The following PLEKHA7 variants were observed in gnomAD, a reference collection of about 807,000 sequenced individuals.
PLEKHA7 encodes pleckstrin homology domain containing A7.
PLEKHA7 carries 104 observed loss-of-function variants against 170.0 expected under a neutral mutation model. That is an observed-to-expected ratio of 0.61 (90% CI 0.52 to 0.72). PLEKHA7 has a LOEUF of 0.72. Among genes scored for constraint, PLEKHA7 ranks in the 30% least tolerant of loss-of-function variants. The probability of loss-of-function intolerance (pLI) is 0.00; values close to 1 mark genes in which losing one functional copy is unlikely to be tolerated. For synonymous variants in PLEKHA7, 648 were observed against 660.8 expected, an observed-to-expected ratio of 0.98 and a Z score of 0.30; for missense variants, 1,615 against 1,671.7, an observed-to-expected ratio of 0.97 and a Z score of 0.59.
Position 16,871,109 on chromosome 11 carries a change from G to A in PLEKHA7, c.295C>T (p.Leu99Phe). 2 of 1,596,188 alleles carry A rather than the reference G, an allele frequency of 1.3e-6. No individual in the cohort carries two copies. Among genetic ancestry groups the A allele is most frequent in the Non-Finnish European group, 1.7e-6 (2 of 1,164,032 alleles). The change falls in exon 4 of 27, where the codon CTT becomes TTT. Residue 99 changes from leucine (L) to phenylalanine (F), a missense_variant. Physicochemically the swap from Leu to Phe is conservative, Grantham distance 22 (BLOSUM62 0). Transcript: ENST00000531066. ...QFSPENSEFILQEEPNPHMSK... is the reference protein window; with the variant it reads ...QFSPENSEFIFQEEPNPHMSK... ...CATAAAAAGACTTACTCTTCTTGAA[G>A]AATGAATTCACTATTTTCTGGAGAA...
chr11:16,848,258 G>A (rs975912138), intron 8 of PLEKHA7, among the ~76,000 whole-genome samples: 20 of 152,214 alleles, frequency 1.3e-4, no homozygotes, highest in African/African-American at 4.8e-4. Flanking sequence ...CAAGGATTTT[G>A]TCCTATTCAT....
chr11:16,809,331 A>T (rs77763276), intron 13 of PLEKHA7, among the ~76,000 whole-genome samples: 1,713 of 152,252 alleles, frequency 0.011, 29 homozygotes, highest in African/African-American at 0.039. Flanking sequence ...TGGGCTCTGG[A>T]TCCTTAAGTC....
At chr11:16,963,649 A>G (rs1862200519) in intron 3 of PLEKHA7, among the ~76,000 whole-genome samples, 2 of 152,018 alleles carry the variant, frequency 1.3e-5, no homozygotes, top group South Asian at 4.1e-4. Flanking sequence ...TCCCCTGGGG[A>G]GCCAGGAGAG....
intron 13 of PLEKHA7, among the ~76,000 whole-genome samples, chr11:16,805,568 A>G (rs1300756889): frequency 4.6e-5 from 7 of 151,818 alleles, no homozygotes; most frequent in Non-Finnish European, 8.8e-5. Flanking sequence ...AAGGCGGGTG[A>G]ATTATGAGGT....
Position 16,906,682 on chromosome 11 carries a change from C to T in PLEKHA7, c.222-35500G>A, listed in dbSNP as rs539530308. On this transcript the variant is annotated intron_variant, in intron 3 of 26. Coordinates refer to ENST00000531066, the MANE Select transcript of PLEKHA7 (RefSeq NM_001329630.2). ...CGTGATCTCGGCTCGCTACAACCTC[C>T]ACCTCCCAGCTGCCTGCCTTGGCCC... Among the ~76,000 whole-genome samples the T allele has an allele frequency of 1.8e-4, 25 of 139,824 alleles. No homozygotes were observed. In the East Asian group the frequency reaches 5.0e-3, roughly 28 times the overall value. 91.7% of individuals were successfully genotyped at this position (139,824 alleles called of 152,430 possible). A position where few individuals can be genotyped will look rare whatever the true frequency, so the allele number is the denominator to read the frequency against.
intron 4 of PLEKHA7, among the ~76,000 whole-genome samples, chr11:16,863,585 G>T (rs1209327280): frequency 6.6e-6 from 1 of 152,180 alleles, no homozygotes; most frequent in African/African-American, 2.4e-5. Flanking sequence ...GGGGATCGGT[G>T]TACACAGCCT....
chr11:16,778,852 G>A lies in PLEKHA7; in HGVS notation c.*146C>T. ...TGCATATTAGGGCCTGGCCTGTGGT[G>A]AACACCCGCAGTCGGTAAGCTGCTC... On this transcript the variant is annotated 3_prime_UTR_variant, in exon 27 of 27. Transcript: ENST00000531066. 1.5e-6 allele frequency: 1 copy of A among 673,446 alleles called. No homozygotes were observed. Among genetic ancestry groups the A allele is most frequent in the East Asian group, 2.7e-5 (1 of 37,010 alleles). 41.7% of individuals were successfully genotyped at this position (673,446 alleles called of 1,614,324 possible).
intron 3 of PLEKHA7, among the ~76,000 whole-genome samples, chr11:16,981,392 A>C (rs1014693350): frequency 6.6e-6 from 1 of 152,196 alleles, no homozygotes; most frequent in Admixed American, 6.5e-5. Flanking sequence ...ATTCCAACCC[A>C]GTTGGCCTGA....
At chr11:16,779,404 G>C (rs1246798043) in intron 26 of PLEKHA7, among the ~76,000 whole-genome samples, 1 of 152,198 alleles carries the variant, frequency 6.6e-6, no homozygotes, top group Non-Finnish European at 1.5e-5. Flanking sequence ...AGGATGCTTT[G>C]AGAGTAAGAA....
At chr11:16,951,420 C>T in intron 3 of PLEKHA7, among the ~76,000 whole-genome samples, 1 of 152,172 alleles carries the variant, frequency 6.6e-6, no homozygotes. Context: ...AAGCACTTAC[C>T]ACGAACTGGG....
chr11:16,825,574 G>C (rs1420190672), intron 10 of PLEKHA7, among the ~76,000 whole-genome samples: 1 of 152,200 alleles, frequency 6.6e-6, no homozygotes, highest in African/African-American at 2.4e-5. Context: ...ATAAAATACA[G>C]ACAGTGCTTG....
At chr11:16,937,552 TTTAAC>T (rs1330196254) in intron 3 of PLEKHA7, among the ~76,000 whole-genome samples, 2 of 151,926 alleles carry the variant, frequency 1.3e-5, no homozygotes, top group African/African-American at 4.8e-5. Context: ...TTATAAGAAA[TTTAAC>T]TTAAAGAAAC....
Position 16,972,028 on chromosome 11 carries a change from T to C in PLEKHA7, c.221+41961A>G, listed in dbSNP as rs138775151. Among the ~76,000 whole-genome samples, 535 of 152,252 alleles carry C rather than the reference T, an allele frequency of 3.5e-3. 8 individuals are homozygous for C. The highest frequency in any genetic ancestry group is 0.012 in the African/African-American group (516 of 41,540). On this transcript the variant is annotated intron_variant, in intron 3 of 26. Coordinates refer to ENST00000531066, the MANE Select transcript of PLEKHA7 (RefSeq NM_001329630.2). Reference sequence around the variant, plus strand: ...TAGTAGAGATGGGGTTTTGTCATGTTGGCAGGCTGGTCTTGGACTCCAGGC... The same window carrying C: ...TAGTAGAGATGGGGTTTTGTCATGTCGGCAGGCTGGTCTTGGACTCCAGGC...
At chr11:16,873,492 G>C (rs1011445434) in intron 3 of PLEKHA7, among the ~76,000 whole-genome samples, 3 of 152,124 alleles carry the variant, frequency 2.0e-5, no homozygotes, top group African/African-American at 7.2e-5. Flanking sequence ...CTGGTCCCAG[G>C]CAAGCCCGTG....
chr11:16,819,990 A>C (rs1395893700), intron 10 of PLEKHA7, among the ~76,000 whole-genome samples: 1 of 152,270 alleles, frequency 6.6e-6, no homozygotes, highest in Non-Finnish European at 1.5e-5. Context: ...ATGAATGTCA[A>C]TTGGTTTGAT....
intron 3 of PLEKHA7, among the ~76,000 whole-genome samples, chr11:16,983,575 A>C (rs1408354520): frequency 6.6e-6 from 1 of 152,184 alleles, no homozygotes; most frequent in African/African-American, 2.4e-5. Context: ...TTTCTCGTTT[A>C]CTGGCAGCTT....
intron 3 of PLEKHA7, among the ~76,000 whole-genome samples, chr11:17,002,842 T>C (rs1864749731): frequency 6.6e-6 from 1 of 151,132 alleles, no homozygotes; most frequent in Admixed American, 6.7e-5. Context: ...ACTCACCCAC[T>C]GTTAATATTT....
chr11:16,798,047 C>A (rs1336238402), intron 17 of PLEKHA7, among the ~76,000 whole-genome samples: 2 of 152,190 alleles, frequency 1.3e-5, no homozygotes, highest in African/African-American at 4.8e-5. Context: ...TAGAAAGGCT[C>A]CTATGTGCTG....
rs189128684 is a variant in PLEKHA7, at chr11:16,865,384, G to A, written c.305+5715C>T. Among the ~76,000 whole-genome samples, 419 of 152,304 alleles carry A rather than the reference G, an allele frequency of 2.8e-3. 1 individual carries two copies. Among genetic ancestry groups the A allele is most frequent in the Middle Eastern group, 0.01 (3 of 294 alleles). ...GACTGATGCCTAGTCCCCTCAGGGG[G>A]TGTAACAAAAAACTGGGTAGCATAA... is the stretch of plus-strand genomic sequence containing the variant. On this transcript the variant is annotated intron_variant, in intron 4 of 26. Transcript: ENST00000531066.
Sources: allele counts gnomAD v4.1 joint callset (sites outside exome capture counted in the v4.1 genomes callset), GRCh38; gene constraint gnomAD v4.1.1; transcripts MANE v1.5; gene names NCBI Gene and HGNC (gene_info 2026-07-23, HGNC 2026-07-21).